Variants in C1orf167 observed in about 807,000 individuals in gnomAD.
The protein encoded by C1orf167 is chromosome 1 open reading frame 167.
A neutral mutation model predicts 176.5 loss-of-function variants in C1orf167; 153 were observed. That is an observed-to-expected ratio of 0.87 (90% CI 0.76 to 0.99). The LOEUF is 0.99. Among genes scored for constraint, C1orf167 ranks in the 50% least tolerant of loss-of-function variants. The pLI, the probability that C1orf167 is intolerant of heterozygous loss-of-function variation, is 0.00. For synonymous variants in C1orf167, 594 were observed against 752.7 expected, an observed-to-expected ratio of 0.79 and a Z score of 3.45; for missense variants, 1,490 against 1,817.7, an observed-to-expected ratio of 0.82 and a Z score of 3.28.
chr1:11,775,060 G>A (rs1245082219), intron 8 of C1orf167, among the ~76,000 whole-genome samples: 1 of 152,136 alleles, frequency 6.6e-6, no homozygotes, highest in African/African-American at 2.4e-5. Flanking sequence ...CAAGACGGCC[G>A]GATCACTTGA....
intron 10 of C1orf167, 54 bp downstream of exon 10, chr1:11,776,692 G>C (rs918204103): frequency 1.7e-6 from 2 of 1,176,866 alleles, no homozygotes; most frequent in African/African-American, 3.3e-5. Flanking sequence ...TGTGGGGTGG[G>C]CACGTGAGCA....
At chr1:11,781,435 G>T (rs573335387) in intron 13 of C1orf167, among the ~76,000 whole-genome samples, 1 of 152,202 alleles carries the variant, frequency 6.6e-6, no homozygotes. Context: ...ACAGGATGCT[G>T]TCTTGGAGGC....
At chr1:11,769,620 A>G (rs781561642) in intron 6 of C1orf167, among the ~76,000 whole-genome samples, 1 of 151,610 alleles carries the variant, frequency 6.6e-6, no homozygotes, top group Non-Finnish European at 1.5e-5. Flanking sequence ...TGAGGAAATG[A>G]TGGTTTGACC....
intron 15 of C1orf167, 133 bp downstream of exon 15, chr1:11,784,726 C>G: frequency 9.8e-7 from 1 of 1,019,174 alleles, no homozygotes; most frequent in Non-Finnish European, 1.3e-6. Context: ...TTGGGGGTGA[C>G]AGGGAGAGGC....
chr1:11,783,242 T>TTTTG (rs141237046), intron 14 of C1orf167, among the ~76,000 whole-genome samples: 2 of 151,944 alleles, frequency 1.3e-5, no homozygotes, highest in Admixed American at 6.6e-5. Context: ...TAGATGGTTA[T>TTTTG]TTTGTTTGTT....
Position 11,766,598 on chromosome 1 carries a change from G to A in C1orf167, c.812G>A (p.Trp271Ter), listed in dbSNP as rs1442483456. 4 of 1,274,320 alleles carry A rather than the reference G, an allele frequency of 3.1e-6. No homozygotes were observed. The Admixed American group carries it at 7.0e-5, about 22-fold the overall frequency. 78.9% of individuals were successfully genotyped at this position (1,274,320 alleles called of 1,614,324 possible). Reference sequence around the variant, plus strand: ...CCCGGTGCTGTGCAGCAGGACCTCTGGACCGGCGGCGGCCAGCCATTCTCC... The same window carrying A: ...CCCGGTGCTGTGCAGCAGGACCTCTAGACCGGCGGCGGCCAGCCATTCTCC... Reference protein sequence around the residue: ...EPPGAVQQDLWTGGGQPFSAH... With the variant: ...EPPGAVQQDL The change falls in exon 3 of 21, where the codon TGG becomes TAG. Residue 271 changes from tryptophan (W) to a stop codon, truncating the protein, a stop_gained. Transcript: ENST00000688073. LOFTEE classifies it high-confidence loss of function. This position sits in a 1 kb window ranked among gnomAD's most constrained non-coding sequence, Gnocchi z 4.5.
chr1:11,787,794 T>G, intron 17 of C1orf167, 79 bp from the exon 18 acceptor site: 2 of 1,184,300 alleles, frequency 1.7e-6, no homozygotes, highest in Non-Finnish European at 2.2e-6. Flanking sequence ...CTCACTGTAC[T>G]CAACTCCTAG....
In C1orf167 at chr1:11,768,036, G is replaced by C. The variant is rs1169792573; in HGVS notation, c.1344-41G>C. 8 of 1,231,328 alleles carry C rather than the reference G, an allele frequency of 6.5e-6. No individual in the cohort carries two copies. Among genetic ancestry groups the C allele is most frequent in the Non-Finnish European group, 8.4e-6 (8 of 955,102 alleles). 76.3% of individuals were successfully genotyped at this position (1,231,328 alleles called of 1,614,324 possible). On this transcript the variant is annotated intron_variant, in intron 4 of 20. Transcript: ENST00000688073. The surrounding 1 kb of genome is among the most constrained non-coding windows in gnomAD (Gnocchi z 4.5). Reference sequence around the variant, plus strand: ...GCCACTGGGCTGTCCCTGGGGATAGGAGGGCAGTCCACACCCTGATCAGCC... The same window carrying C: ...GCCACTGGGCTGTCCCTGGGGATAGCAGGGCAGTCCACACCCTGATCAGCC...
chr1:11,775,390 T>C, intron 8 of C1orf167, 45 bp from the exon 9 acceptor site: 1 of 1,248,020 alleles, frequency 8.0e-7, no homozygotes, highest in Non-Finnish European at 1.0e-6. Context: ...GCCGCAGTCA[T>C]CAGATCTTGC....
At chr1:11,763,587 C>T (rs888436947) in intron 1 of C1orf167, among the ~76,000 whole-genome samples, 1 of 152,166 alleles carries the variant, frequency 6.6e-6, no homozygotes, top group Non-Finnish European at 1.5e-5. Flanking sequence ...CTGGCCCAGG[C>T]AGTAATTTGC....
At chr1:11,775,254 A>T (rs1039900970) in intron 8 of C1orf167, among the ~76,000 whole-genome samples, 181 bp from the exon 9 acceptor site, 6 of 152,180 alleles carry the variant, frequency 3.9e-5, no homozygotes, top group African/African-American at 1.4e-4. Flanking sequence ...GCACCATTGC[A>T]CTCCAGCCTG....
chr1:11,768,283 G>A lies in C1orf167; in HGVS notation c.1542+8G>A. ...GTCCGGAGCTTCCGAGAGGTCAGCG[G>A]TCTCCAGGTTGGGCCAGGGGGCCGT... On this transcript the variant is annotated splice_region_variant and intron_variant, in intron 5 of 20. Coordinates refer to ENST00000688073, the MANE Select transcript of C1orf167 (RefSeq NM_001010881.2). The surrounding 1 kb of genome is among the most constrained non-coding windows in gnomAD (Gnocchi z 4.5). The A allele has an allele frequency of 1.6e-6, 2 of 1,289,702 alleles. No homozygotes were observed. Among genetic ancestry groups the A allele is most frequent in the Non-Finnish European group, 2.0e-6 (2 of 988,658 alleles). The allele number at this position is 1,289,702 out of a possible 1,614,324, so 79.9% of individuals were successfully genotyped here. A position where few individuals can be genotyped will look rare whatever the true frequency, so the allele number is the denominator to read the frequency against.
intron 8 of C1orf167, among the ~76,000 whole-genome samples, chr1:11,772,602 A>G (rs61773953): frequency 0.12 from 18,983 of 152,156 alleles, 1,497 homozygotes; most frequent in South Asian, 0.22. Flanking sequence ...GACTCCTAGT[A>G]TTGAGAGGCA....
chr1:11,784,174 C>T lies in C1orf167; in HGVS notation c.3006C>T (p.Ser1002=), dbSNP rs746846739. 27 of 1,221,974 alleles carry T rather than the reference C, an allele frequency of 2.2e-5. No homozygotes were observed. In the South Asian group the frequency reaches 3.9e-4, roughly 18 times the overall value. 75.7% of individuals were successfully genotyped at this position (1,221,974 alleles called of 1,614,324 possible). Residue 1002 remains serine, a splice_region_variant and synonymous_variant, in exon 15 of 21, where the codon AGC becomes AGT. Transcript: ENST00000688073. The part of the protein sequence containing the change: ...VTRPEQLLLQ[S]YFQAWCEVVR... Reference sequence around the variant, plus strand: ...CTGGCCCAATGTGTCTGTTTTGCAGCTACTTCCAGGCCTGGTGTGAGGTTG... The same window carrying T: ...CTGGCCCAATGTGTCTGTTTTGCAGTTACTTCCAGGCCTGGTGTGAGGTTG...
intron 7 of C1orf167, 120 bp from the exon 8 acceptor site, chr1:11,771,962 A>G: frequency 1.4e-6 from 1 of 717,804 alleles, no homozygotes; most frequent in South Asian, 1.8e-5. Context: ...GCTAGACTTC[A>G]CTTACTCAGA....
intron 8 of C1orf167, among the ~76,000 whole-genome samples, chr1:11,772,994 G>A (rs1430907534): frequency 6.6e-6 from 1 of 151,124 alleles, no homozygotes; most frequent in Non-Finnish European, 1.5e-5. Context: ...CACCTCCTGG[G>A]CTCAAGCGAT....
intron 6 of C1orf167, among the ~76,000 whole-genome samples, chr1:11,770,407 G>T (rs1455890985): frequency 6.6e-6 from 1 of 151,372 alleles, no homozygotes; most frequent in African/African-American, 2.4e-5. Context: ...TGGAAACTAT[G>T]CTTATCTCTG....
Position 11,784,483 on chromosome 1 carries a change from C to A in C1orf167, c.3315C>A (p.Ser1105Arg). 3 of 1,303,188 alleles carry A rather than the reference C, an allele frequency of 2.3e-6. No homozygotes were observed. Among genetic ancestry groups the A allele is most frequent in the Non-Finnish European group, 3.0e-6 (3 of 988,900 alleles). 80.7% of individuals were successfully genotyped at this position (1,303,188 alleles called of 1,614,324 possible). A position where few individuals can be genotyped will look rare whatever the true frequency, so the allele number is the denominator to read the frequency against. The change falls in exon 15 of 21, where the codon AGC (serine) becomes AGA (arginine). Residue 1105 changes from serine (S) to arginine (R), a missense_variant. By Grantham distance (110) the Ser-to-Arg change is moderately radical (BLOSUM62 -1). Transcript: ENST00000688073. ...HHEAQQQAGE[S>R]AGAQAAQCWT... ...AGGCCCAGCAGCAGGCAGGAGAGAGCGCTGGGGCCCAGGCAGCCCAGTGCT... is the reference window on the plus strand; with the variant it reads ...AGGCCCAGCAGCAGGCAGGAGAGAGAGCTGGGGCCCAGGCAGCCCAGTGCT...
At chr1:11,786,447 T>C (rs1467716768) in intron 16 of C1orf167, 1 of 152,168 alleles carries the variant, frequency 6.6e-6, no homozygotes, top group Non-Finnish European at 1.5e-5. Context: ...CAGTCGTTTT[T>C]TGTTCTCAGA....
Sources: allele counts gnomAD v4.1 joint callset (sites outside exome capture counted in the v4.1 genomes callset), GRCh38; gene constraint gnomAD v4.1.1; non-coding constraint Gnocchi (gnomAD v3.1); transcripts MANE v1.5; gene names NCBI Gene and HGNC (gene_info 2026-07-23, HGNC 2026-07-21).